Variants in OAS2 observed in about 807,000 individuals in gnomAD.
OAS2 encodes the protein 2'-5'-oligoadenylate synthetase 2.
A neutral mutation model predicts 71.3 loss-of-function variants in OAS2; 67 were observed. The observed-to-expected ratio is 0.94, with a 90% CI of 0.77 to 1.15. The LOEUF (loss-of-function observed/expected upper bound fraction) is 1.15, where lower values mean the gene tolerates loss of function less well. Ranked by LOEUF, OAS2 falls within the 50% of genes most tolerant of loss-of-function variation. The pLI is 0.00. For synonymous variants in OAS2, 327 were observed against 321.8 expected, an observed-to-expected ratio of 1.02 and a Z score of -0.17; for missense variants, 789 against 822.5, an observed-to-expected ratio of 0.96 and a Z score of 0.50.
In OAS2 at chr12:112,978,848, G is replaced by A. The variant is rs2384075; in HGVS notation, c.177+63G>A. ...GAGATTCCACGGCGGCAGCAAGGCCGAGCTACTGGGTGCTGGGTGCCTATT... is the reference window on the plus strand; with the variant it reads ...GAGATTCCACGGCGGCAGCAAGGCCAAGCTACTGGGTGCTGGGTGCCTATT... On this transcript the variant is annotated intron_variant, in intron 1 of 9. Coordinates refer to ENST00000392583, the MANE Select transcript of OAS2 (RefSeq NM_002535.3). The surrounding 1 kb of genome is among the most constrained non-coding windows in gnomAD (Gnocchi z 4.2). 0.29 allele frequency: 434,990 copies of A among 1,515,886 alleles called. 65,243 individuals carry two copies. The highest frequency in any genetic ancestry group is 0.48 in the African/African-American group (34,900 of 72,418). The allele number at this position is 1,515,886 out of a possible 1,614,324, so 93.9% of individuals were successfully genotyped here.
At chr12:113,008,342 G>A (rs1433571021) in intron 9 of OAS2, among the ~76,000 whole-genome samples, 1 of 151,784 alleles carries the variant, frequency 6.6e-6, no homozygotes, top group Non-Finnish European at 1.5e-5. Context: ...CACCAGCAAG[G>A]GACAAAAACA....
intron 5 of OAS2, among the ~76,000 whole-genome samples, chr12:112,999,131 G>A (rs1286084391): frequency 6.6e-6 from 1 of 152,222 alleles, no homozygotes; most frequent in African/African-American, 2.4e-5. Flanking sequence ...GTGGATGCCA[G>A]GACAGGCTCT....
In OAS2 at chr12:113,004,921, C is replaced by T. The variant is rs761614216; in HGVS notation, c.1180-13C>T. 2 of 1,610,906 alleles carry T rather than the reference C, an allele frequency of 1.2e-6. No homozygotes were observed. Among genetic ancestry groups the T allele is most frequent in the Admixed American group, 1.7e-5 (1 of 59,816 alleles). On this transcript the variant is annotated splice_polypyrimidine_tract_variant and intron_variant, in intron 6 of 9. Coordinates refer to ENST00000392583, the MANE Select transcript of OAS2 (RefSeq NM_002535.3). ...AAGGAAATTCTGGATCTCAACCTTCCTTTCTTCCTTAGGGAGGATCAACCG... is the reference window on the plus strand; with the variant it reads ...AAGGAAATTCTGGATCTCAACCTTCTTTTCTTCCTTAGGGAGGATCAACCG...
Position 112,997,628 on chromosome 12 carries a change from G to A in OAS2, c.736G>A (p.Glu246Lys), listed in dbSNP as rs1172547765. ...GCRKDNFDIAEGVRTVLELIK... is the reference protein window; with the variant it reads ...GCRKDNFDIAKGVRTVLELIK... ...CAGAAAAGACAACTTTGACATTGCTGAAGGCGTCAGAACCGTACTGGAGCT... is the reference window on the plus strand; with the variant it reads ...CAGAAAAGACAACTTTGACATTGCTAAAGGCGTCAGAACCGTACTGGAGCT... The change falls in exon 4 of 10, where the codon GAA (glutamate) becomes AAA (lysine). Residue 246 changes from glutamate to lysine, a missense_variant. By Grantham distance (56) the Glu-to-Lys change is moderately conservative (BLOSUM62 1). Transcript: ENST00000392583. The A allele has an allele frequency of 3.7e-6, 6 of 1,614,032 alleles. No homozygotes were observed. Among genetic ancestry groups the A allele is most frequent in the Non-Finnish European group, 4.2e-6 (5 of 1,180,008 alleles).
intron 2 of OAS2, among the ~76,000 whole-genome samples, chr12:112,989,282 G>T (rs1229444015): frequency 6.6e-6 from 1 of 152,166 alleles, no homozygotes; most frequent in Non-Finnish European, 1.5e-5. Context: ...CTTCCACCAT[G>T]ATTGTGAGGC....
chr12:113,001,429 C>T (rs1231689983), intron 5 of OAS2, among the ~76,000 whole-genome samples: 3 of 144,046 alleles, frequency 2.1e-5, no homozygotes, highest in Non-Finnish European at 3.0e-5. Flanking sequence ...CATATATGCA[C>T]ATATATATAC....
In OAS2 at chr12:112,978,667, T is replaced by C. The variant is rs2044050658; in HGVS notation, c.59T>C (p.Ile20Thr). 2 of 1,614,128 alleles carry C rather than the reference T, an allele frequency of 1.2e-6. No homozygotes were observed. Among genetic ancestry groups the C allele is most frequent in the South Asian group, 1.1e-5 (1 of 91,076 alleles). The change falls in exon 1 of 10, where the codon ATC becomes ACC. Residue 20 changes from isoleucine (I) to threonine (T), a missense_variant. By Grantham distance (89) the Ile-to-Thr change is moderately conservative (BLOSUM62 -1). Coordinates refer to ENST00000392583, the MANE Select transcript of OAS2 (RefSeq NM_002535.3). This position sits in a 1 kb window ranked among gnomAD's most constrained non-coding sequence, Gnocchi z 4.2. ...SVPAQKLGWF[I>T]QEYLKPYEEC... ...CCTGCTCAGAAGCTGGGTTGGTTTA[T>C]CCAGGAATACCTGAAGCCCTACGAA...
Position 113,010,272 on chromosome 12 carries a change from AC to A in OAS2, c.*1019del. 8 of 1,486,572 alleles carry A rather than the reference AC, an allele frequency of 5.4e-6. No individual in the cohort carries two copies. Among genetic ancestry groups the A allele is most frequent in the Non-Finnish European group, 7.1e-6 (8 of 1,124,408 alleles). 92.1% of individuals were successfully genotyped at this position (1,486,572 alleles called of 1,614,324 possible). ...CAAAAAATTGTCTCTGGCAATAGTT[AC>A]CTTCCCAGATACAGGTCCCCCCTTT... On this transcript the variant is annotated 3_prime_UTR_variant, in exon 10 of 10. Coordinates refer to ENST00000392583, the MANE Select transcript of OAS2 (RefSeq NM_002535.3).
intron 1 of OAS2, among the ~76,000 whole-genome samples, chr12:112,986,554 G>T (rs1171406114): frequency 2.6e-5 from 4 of 152,214 alleles, no homozygotes; most frequent in Admixed American, 6.5e-5. Flanking sequence ...GATGGTGTGT[G>T]CCTGTGCTGC....
Position 112,998,277 on chromosome 12 carries a change from T to G in OAS2, c.875T>G (p.Leu292Trp). ...AATGGAATACACAGGCCAGTAATCT[T>G]GGATCCAGTTGACCCAACCAATAAT... The part of the protein sequence containing the change: ...HQLQSARPVI[L>W]DPVDPTNNVS... The change falls in exon 5 of 10, where the codon TTG (leucine) becomes TGG (tryptophan). Residue 292 changes from leucine to tryptophan, a missense_variant. By Grantham distance (61) the Leu-to-Trp change is moderately conservative. Transcript: ENST00000392583. The G allele has an allele frequency of 1.2e-6, 2 of 1,613,008 alleles. No individual in the cohort carries two copies. The highest frequency in any genetic ancestry group is 1.7e-6 in the Non-Finnish European group (2 of 1,179,604).
intron 5 of OAS2, among the ~76,000 whole-genome samples, chr12:112,999,947 C>T (rs2044269056): frequency 6.6e-6 from 1 of 151,956 alleles, no homozygotes. Context: ...TAACTCGCTA[C>T]ATTGGCCAGG....
Position 113,006,983 on chromosome 12 carries a change from G to A in OAS2, c.1656+383G>A, listed in dbSNP as rs531846574. ...GCAGGTTGAAGCTGTAGGTGGAACC[G>A]GGGCTGCATTTTCTATACACCCAGC... On this transcript the variant is annotated intron_variant, in intron 8 of 9. Transcript: ENST00000392583. 6.8e-4 allele frequency among the ~76,000 whole-genome samples: 103 copies of A among 152,196 alleles called. 1 individual carries two copies. Among genetic ancestry groups the A allele is most frequent in the Middle Eastern group, 3.4e-3 (1 of 294 alleles).
rs557969944 is a variant in OAS2 at position 112,992,003 on chromosome 12, T to C, written c.449-3293T>C. ...GAATGTAGATGGATGGATGGATAGA[T>C]AGATATTAAATATATGTATATATTT... On this transcript the variant is annotated intron_variant, in intron 2 of 9. Coordinates refer to ENST00000392583, the MANE Select transcript of OAS2 (RefSeq NM_002535.3). Among the ~76,000 whole-genome samples the C allele has an allele frequency of 2.4e-4, 36 of 151,786 alleles. No homozygotes were observed. In the South Asian group the frequency reaches 5.2e-3, roughly 22 times the overall value.
chr12:112,987,519 A>C, intron 2 of OAS2: 1 of 1,417,078 alleles, frequency 7.1e-7, no homozygotes, highest in Non-Finnish European at 9.2e-7. Context: ...GTCTTTGGAG[A>C]AAATGTTCTG....
At chr12:112,994,269 G>A (rs745347176) in intron 2 of OAS2, among the ~76,000 whole-genome samples, 56 of 152,142 alleles carry the variant, frequency 3.7e-4, no homozygotes, top group Non-Finnish European at 6.3e-4. Flanking sequence ...ATTTGAGACT[G>A]ATCTCCCATC....
rs45514594 is a variant in OAS2, at chr12:113,007,905, C to T, written c.1857C>T (p.Thr619=). 6,919 of 1,614,016 alleles carry T rather than the reference C, an allele frequency of 4.3e-3. 19 individuals are homozygous for T. The highest frequency in any genetic ancestry group is 4.8e-3 in the Middle Eastern group (29 of 6,062). Residue 619 remains threonine, a synonymous_variant, in exon 9 of 10, where the codon ACC becomes ACT. Transcript: ENST00000392583. The stretch of plus-strand genomic sequence containing the variant: ...TCAATTACAACTTTGAAGATGAGAC[C>T]GTGAGGAAGTTTCTACTGAGCCAGT... The part of the protein sequence containing the change: ...WKVNYNFEDE[T]VRKFLLSQLQ...
At chr12:112,987,497 C>T in intron 2 of OAS2, 189 bp downstream of exon 2, 1 of 1,433,180 alleles carries the variant, frequency 7.0e-7, no homozygotes, top group African/African-American at 1.4e-5. Flanking sequence ...ACTTCTCCCC[C>T]ATACCCTGAT....
chr12:113,008,078 T>C lies in OAS2; in HGVS notation c.1895+135T>C. The stretch of plus-strand genomic sequence containing the variant: ...GGAAAGTGCTAGCCAACAGAACCTG[T>C]CACAGTCTCCAGGGATAAAACCTAG... On this transcript the variant is annotated intron_variant, in intron 9 of 9. Coordinates refer to ENST00000392583, the MANE Select transcript of OAS2 (RefSeq NM_002535.3). 1.3e-5 allele frequency: 9 copies of C among 708,696 alleles called. No individual in the cohort carries two copies. In the South Asian group the frequency reaches 1.5e-4, roughly 12 times the overall value. The allele number at this position is 708,696 out of a possible 1,614,324, so 43.9% of individuals were successfully genotyped here. A position where few individuals can be genotyped will look rare whatever the true frequency, so the allele number is the denominator to read the frequency against.
intron 2 of OAS2, chr12:112,988,681 C>G (rs933466542): frequency 7.1e-6 from 7 of 985,320 alleles, no homozygotes; most frequent in Admixed American, 6.1e-5. Context: ...ATTTTAATGA[C>G]AGCTCCTTAG....
Sources: gnomAD v4.1 joint callset for allele counts (sites outside exome capture counted in the v4.1 genomes callset) on GRCh38, gnomAD v4.1.1 for gene constraint, Gnocchi (gnomAD v3.1) non-coding constraint, MANE v1.5 for transcripts, NCBI Gene and HGNC (gene_info 2026-07-23, HGNC 2026-07-21) for gene names.